Variants in FRK observed in about 807,000 individuals in gnomAD.
The protein encoded by FRK is fyn related Src family tyrosine kinase, also known as tyrosine-protein kinase FRK.
Under a neutral mutation model 56.4 loss-of-function variants are expected in FRK, and 51 were observed. The observed-to-expected ratio is 0.90, with a 90% confidence interval of 0.72 to 1.14. The LOEUF is 1.14. Among genes scored for constraint, FRK ranks in the 50% most tolerant of loss-of-function variants. The pLI is 0.00. For missense variants in FRK, 570 were observed against 601.4 expected, an observed-to-expected ratio of 0.95 and a Z score of 0.55; for synonymous variants, 245 against 217.9, an observed-to-expected ratio of 1.12 and a Z score of -1.10.
In FRK at chr6:115,943,049, A is replaced by C; in HGVS notation, c.1277T>G (p.Ile426Ser). Reference sequence around the variant, plus strand: ...GTAAGGCATTTTGCCATAAGTAATGATTTCATAAAGAAGGATTCCAAATGA... The same window carrying C: ...GTAAGGCATTTTGCCATAAGTAATGCTTTCATAAAGAAGGATTCCAAATGA... ...VWSFGILLYE[I>S]ITYGKMPYSG... The change falls in exon 7 of 8, where the codon ATC (isoleucine) becomes AGC (serine). Residue 426 changes from isoleucine to serine, a missense_variant. Ile to Ser is a moderately radical substitution (Grantham distance 142, BLOSUM62 -2). Coordinates refer to ENST00000606080, the MANE Select transcript of FRK (RefSeq NM_002031.3). 6.2e-7 allele frequency: 1 copy of C among 1,612,792 alleles called. No individual in the cohort carries two copies. The highest frequency in any genetic ancestry group is 1.1e-5 in the South Asian group (1 of 90,816).
intron 1 of FRK, among the ~76,000 whole-genome samples, chr6:116,059,083 C>T (rs1777511779): frequency 6.6e-6 from 1 of 152,076 alleles, no homozygotes; most frequent in Non-Finnish European, 1.5e-5. Flanking sequence ...ACTTTGTATT[C>T]AGTCACTACT....
the FRK span, among the ~76,000 whole-genome samples, chr6:116,077,964 A>T: frequency 6.6e-6 from 1 of 152,238 alleles, no homozygotes; most frequent in Non-Finnish European, 1.5e-5. Context: ...GTTCAAGACC[A>T]GCCTGGCCAA....
chr6:115,936,940 G>A lies in FRK; in HGVS notation c.*5474C>T, dbSNP rs1354274786. On this transcript the variant is annotated 3_prime_UTR_variant, in exon 8 of 8. Coordinates refer to ENST00000606080, the MANE Select transcript of FRK (RefSeq NM_002031.3). ...CAGGAGAACATCCCCAACCTAGCAA[G>A]ACAGGTCAACATTCAAATTAAGGAA... 6.6e-6 allele frequency: 1 copy of A among 152,176 alleles called. No individual in the cohort carries two copies. Among genetic ancestry groups the A allele is most frequent in the African/African-American group, 2.4e-5 (1 of 41,434 alleles). The allele number at this position is 152,176 out of a possible 1,614,324, so 9.4% of individuals were successfully genotyped here. A position where few individuals can be genotyped will look rare whatever the true frequency, so the allele number is the denominator to read the frequency against.
At chr6:115,982,462 T>G (rs1244608680) in intron 2 of FRK, among the ~76,000 whole-genome samples, 1 of 152,154 alleles carries the variant, frequency 6.6e-6, no homozygotes, top group African/African-American at 2.4e-5. Context: ...TCCTGACTAA[T>G]ACAATTAAAG....
At chr6:116,065,417 C>G (rs1171561941), upstream of FRK, among the ~76,000 whole-genome samples, 1 of 152,190 alleles carries the variant, frequency 6.6e-6, no homozygotes, top group Admixed American at 6.5e-5. Flanking sequence ...CATAGTCTTC[C>G]TCCAAACTCT....
chr6:116,009,930 A>G (rs934197376), intron 1 of FRK, among the ~76,000 whole-genome samples: 5 of 152,156 alleles, frequency 3.3e-5, no homozygotes, highest in Non-Finnish European at 7.4e-5. Context: ...TTTATATTTT[A>G]AAAAATCAAC....
chr6:115,957,180 C>T (rs1339609878), intron 4 of FRK, among the ~76,000 whole-genome samples: 1 of 152,224 alleles, frequency 6.6e-6, no homozygotes, highest in South Asian at 2.1e-4. Context: ...ATGTTCAACT[C>T]GAAACTGATA....
Position 115,968,721 on chromosome 6 carries a change from A to G in FRK, c.485T>C (p.Val162Ala). The G allele has an allele frequency of 6.2e-7, 1 of 1,612,976 alleles. No individual in the cohort carries two copies. Among genetic ancestry groups the G allele is most frequent in the South Asian group, 1.1e-5 (1 of 90,710 alleles). Residue 162 changes from valine to alanine, a missense_variant, in exon 3 of 8, where the codon GTA becomes GCA. Coordinates refer to ENST00000606080, the MANE Select transcript of FRK (RefSeq NM_002031.3). ...FSLSVLDGAV[V>A]KHYRIKRLDE... ...CAGTCTTTTAATTCTGTAGTGTTTT[A>G]CAACTGCTCCATCTAAAACTGGAAC...
intron 2 of FRK, among the ~76,000 whole-genome samples, chr6:115,996,274 T>A (rs1050307172): frequency 2.6e-5 from 4 of 152,082 alleles, no homozygotes; most frequent in Non-Finnish European, 5.9e-5. Context: ...TAATTTTGAA[T>A]GAAGAATGAA....
At chr6:116,010,411 C>A (rs962265253) in intron 1 of FRK, among the ~76,000 whole-genome samples, 6 of 152,082 alleles carry the variant, frequency 3.9e-5, no homozygotes, top group African/African-American at 9.7e-5. Context: ...AGAGGTCAAT[C>A]AGGAACATGC....
At chr6:116,052,402 A>G (rs1777213346) in intron 1 of FRK, among the ~76,000 whole-genome samples, 1 of 152,288 alleles carries the variant, frequency 6.6e-6, no homozygotes, top group East Asian at 1.9e-4. Flanking sequence ...GCTGCTCTTT[A>G]AAAGACCTGA....
the FRK span, among the ~76,000 whole-genome samples, chr6:116,098,617 G>A: frequency 6.6e-6 from 1 of 152,068 alleles, no homozygotes; most frequent in African/African-American, 2.4e-5. Context: ...AATGAGTGGG[G>A]GACAAAATTC....
At chr6:115,947,614 G>A (rs1010271628) in intron 5 of FRK, among the ~76,000 whole-genome samples, 4 of 151,976 alleles carry the variant, frequency 2.6e-5, no homozygotes, top group Non-Finnish European at 4.4e-5. Flanking sequence ...TTTCAAAATG[G>A]TAGAGCCACA....
chr6:115,959,796 G>C (rs1170727123), intron 4 of FRK, among the ~76,000 whole-genome samples: 1 of 152,088 alleles, frequency 6.6e-6, no homozygotes, highest in Non-Finnish European at 1.5e-5. Flanking sequence ...GATTCCAAAA[G>C]GTTAAAAATT....
At chr6:116,086,331 G>C in the FRK span, among the ~76,000 whole-genome samples, 1 of 152,194 alleles carries the variant, frequency 6.6e-6, no homozygotes, top group East Asian at 1.9e-4. Context: ...AGGAACTAAG[G>C]GAACACTATG....
the FRK span, among the ~76,000 whole-genome samples, chr6:116,068,463 T>C: frequency 4.6e-5 from 7 of 152,214 alleles, no homozygotes; most frequent in Non-Finnish European, 1.0e-4. Flanking sequence ...AAAAATTGTT[T>C]AATTACTTCG....
chr6:116,090,067 A>C, the FRK span, among the ~76,000 whole-genome samples: 4 of 152,272 alleles, frequency 2.6e-5, no homozygotes, highest in African/African-American at 4.8e-5. Context: ...AAGTTCCACA[A>C]AATTTGGGGC....
chr6:116,081,409 C>A, the FRK span, among the ~76,000 whole-genome samples: 1 of 152,128 alleles, frequency 6.6e-6, no homozygotes, highest in African/African-American at 2.4e-5. Context: ...GTAATCCCAG[C>A]ACTTTGGGAG....
intron 2 of FRK, among the ~76,000 whole-genome samples, chr6:115,990,000 T>C (rs1000680617): frequency 1.3e-5 from 2 of 151,998 alleles, no homozygotes; most frequent in Non-Finnish European, 2.9e-5. Flanking sequence ...TAGGATGGTA[T>C]CTCATTATGG....
Sources: gnomAD v4.1 joint callset for allele counts (sites outside exome capture counted in the v4.1 genomes callset) on GRCh38, gnomAD v4.1.1 for gene constraint, MANE v1.5 for transcripts, NCBI Gene and HGNC (gene_info 2026-07-23, HGNC 2026-07-21) for gene names.